Variants in NCOR1 observed in about 807,000 individuals in gnomAD.
NCOR1 encodes the protein protein phosphatase 1, regulatory subunit 109.
In NCOR1, 63 loss-of-function variants were observed where a neutral mutation model predicts 288.1. That is an observed-to-expected ratio of 0.22 (90% CI 0.18 to 0.27). The LOEUF (loss-of-function observed/expected upper bound fraction) is 0.27. Among genes scored for constraint, NCOR1 ranks in the 10% least tolerant of loss-of-function variants. The probability of loss-of-function intolerance (pLI) is 1.00; values close to 1 mark genes in which losing one functional copy is unlikely to be tolerated. For synonymous variants in NCOR1, 1,007 were observed against 1,065.9 expected, an observed-to-expected ratio of 0.94 and a Z score of 1.08; for missense variants, 2,397 against 3,019.2, an observed-to-expected ratio of 0.79 and a Z score of 4.83.
intron 1 of NCOR1, among the ~76,000 whole-genome samples, chr17:16,199,216 A>AAACACAC (rs1337668798): frequency 1.6e-5 from 2 of 122,320 alleles, no homozygotes; most frequent in Non-Finnish European, 1.6e-5. Context: ...AAAAAAAAAA[A>AAACACAC]ACACACACAC....
Position 16,065,668 on chromosome 17 carries a change from G to C in NCOR1, c.4768C>G (p.Gln1590Glu). 2 of 1,614,210 alleles carry C rather than the reference G, an allele frequency of 1.2e-6. No individual in the cohort carries two copies. Among genetic ancestry groups the C allele is most frequent in the Non-Finnish European group, 1.7e-6 (2 of 1,180,034 alleles). ...PAAAAYLFQR[Q>E]LSPTPGYPSQ... ...GGGTAACCTGGAGTTGGTGAAAGCT[G>C]TCTCTGAAACAGGTAAGCAGCCGCT... The change falls in exon 33 of 46, where the codon CAG becomes GAG. Residue 1590 changes from glutamine to glutamate, a missense_variant. Coordinates refer to ENST00000268712, the MANE Select transcript of NCOR1 (RefSeq NM_006311.4).
intron 21 of NCOR1, among the ~76,000 whole-genome samples, chr17:16,096,561 T>G (rs2066655057): frequency 6.6e-6 from 1 of 152,338 alleles, no homozygotes; most frequent in Non-Finnish European, 1.5e-5. Flanking sequence ...TCCTTAGTGC[T>G]GTGGTTACAA....
chr17:16,158,935 C>A, intron 5 of NCOR1, 62 bp from the exon 6 acceptor site: 2 of 1,146,412 alleles, frequency 1.7e-6, no homozygotes, highest in South Asian at 1.3e-5. Context: ...CAGTGATTAA[C>A]CACTGGAGAT....
At chr17:16,104,736 C>T (rs1183593308) in intron 19 of NCOR1, among the ~76,000 whole-genome samples, 1 of 152,168 alleles carries the variant, frequency 6.6e-6, no homozygotes, top group African/African-American at 2.4e-5. Context: ...CACGCTGGTA[C>T]ACTTCAGCGC....
chr17:16,150,029 T>C (rs1317033084), intron 8 of NCOR1, among the ~76,000 whole-genome samples: 1 of 152,108 alleles, frequency 6.6e-6, no homozygotes, highest in Non-Finnish European at 1.5e-5. Context: ...TAAGAAGTAA[T>C]GGAGGGCAAT....
At chr17:16,135,179 A>C (rs1386047188) in intron 14 of NCOR1, among the ~76,000 whole-genome samples, 1 of 151,638 alleles carries the variant, frequency 6.6e-6, no homozygotes, top group Non-Finnish European at 1.5e-5. Flanking sequence ...AAAAAAAAAA[A>C]AAACTGTAGC....
intron 22 of NCOR1, among the ~76,000 whole-genome samples, chr17:16,091,293 T>C (rs1389444777): frequency 6.6e-6 from 1 of 152,248 alleles, no homozygotes; most frequent in Non-Finnish European, 1.5e-5. Context: ...CAATACCGAA[T>C]GCTCCTTCCT....
chr17:16,150,120 G>A (rs1358553851), intron 8 of NCOR1, among the ~76,000 whole-genome samples: 1 of 152,146 alleles, frequency 6.6e-6, no homozygotes, highest in South Asian at 2.1e-4. Context: ...ACAATGACAT[G>A]CAGGTTCAAG....
chr17:16,089,073 A>T (rs1471772940), intron 22 of NCOR1, among the ~76,000 whole-genome samples: 1 of 151,858 alleles, frequency 6.6e-6, no homozygotes, highest in Non-Finnish European at 1.5e-5. Context: ...TACCATTTCC[A>T]GTAAGTTTAT....
chr17:16,078,717 A>AGGCGC (rs1335371826), intron 26 of NCOR1, among the ~76,000 whole-genome samples: 6 of 152,118 alleles, frequency 3.9e-5, no homozygotes, highest in African/African-American at 1.4e-4. Context: ...CTGGGATTAC[A>AGGCGC]GGCGCACACC....
chr17:16,178,494 G>A (rs185319153), intron 3 of NCOR1, among the ~76,000 whole-genome samples: 1,945 of 86,896 alleles, frequency 0.022, 18 homozygotes, highest in Admixed American at 0.034. Context: ...GCAAGACTCC[G>A]TCTCAAAAAA....
intron 12 of NCOR1, 52 bp from the exon 13 acceptor site, chr17:16,138,264 T>TAAAA (rs750309864): frequency 6.9e-6 from 8 of 1,160,512 alleles, no homozygotes; most frequent in South Asian, 1.5e-5. Context: ...TTTCAACAAC[T>TAAAA]AAAAAAAAAA....
chr17:16,065,626 A>G lies in NCOR1; in HGVS notation c.4810T>C (p.Tyr1604His). The G allele has an allele frequency of 6.2e-7, 1 of 1,614,220 alleles. No homozygotes were observed. The highest frequency in any genetic ancestry group is 8.5e-7 in the Non-Finnish European group (1 of 1,180,038). Residue 1604 changes from tyrosine (Y) to histidine (H), a missense_variant, in exon 33 of 46, where the codon TAC becomes CAC. Physicochemically the swap from Tyr to His is moderately conservative, Grantham distance 83. This residue lies in a region of NCOR1 where 1,872 missense variants were observed against 2,187.8 expected (regional missense o/e 0.86). Coordinates refer to ENST00000268712, the MANE Select transcript of NCOR1 (RefSeq NM_006311.4). ...TPGYPSQYQL[Y>H]AMENTRQTIL... ...GTCTGTCTTGTGTTCTCCATTGCGT[A>G]AAGCTGATACTGACTTGGGTAACCT...
At chr17:16,192,914 T>C (rs778969342) in intron 2 of NCOR1, among the ~76,000 whole-genome samples, 10 of 152,110 alleles carry the variant, frequency 6.6e-5, no homozygotes, top group Non-Finnish European at 1.3e-4. Flanking sequence ...AGAAGTATTA[T>C]GGGAAGCAAA....
chr17:16,127,420 CATGTGT>C (rs1306906775), intron 14 of NCOR1, among the ~76,000 whole-genome samples: 2 of 32,712 alleles, frequency 6.1e-5, no homozygotes, highest in Admixed American at 2.9e-4. Flanking sequence ...TGTATATATA[CATGTGT>C]ATATGTGTAT....
intron 14 of NCOR1, among the ~76,000 whole-genome samples, chr17:16,135,158 C>CAAAAAA (rs577308243): frequency 2.5e-4 from 9 of 35,790 alleles, no homozygotes; most frequent in Admixed American, 1.1e-3. Flanking sequence ...GACTCCATCT[C>CAAAAAA]AAAAAAAAAA....
In NCOR1 at chr17:16,181,211, ATGTGTGTGTGTGTGTG is replaced by A. The variant is rs61215793; in HGVS notation, c.242+5327_242+5342del. Among the ~76,000 whole-genome samples, 957 of 139,574 alleles carry A rather than the reference ATGTGTGTGTGTGTGTG, an allele frequency of 6.9e-3. 22 individuals carry two copies. The highest frequency in any genetic ancestry group is 0.023 in the African/African-American group (884 of 38,594). 91.6% of individuals were successfully genotyped at this position (139,574 alleles called of 152,430 possible). ...TGTGTGTGTGTATACATATATATGT[ATGTGTGTGTGTGTGTG>A]TGTGTGTGTGTGTGTGTGTGTGTGT... On this transcript the variant is annotated intron_variant, in intron 3 of 45. Transcript: ENST00000268712.
rs1027294653 is a variant in NCOR1 at position 16,041,898 on chromosome 17, G to A, written c.6680-1404C>T. Among the ~76,000 whole-genome samples the A allele has an allele frequency of 8.5e-5, 13 of 152,170 alleles. No homozygotes were observed. The East Asian group carries it at 2.1e-3, about 25-fold the overall frequency. ...ACTACAGGCGCCCGCCACTATGCCT[G>A]GCTAATTTTTTACATTTTTAGTAGA... On this transcript the variant is annotated intron_variant, in intron 42 of 45. Coordinates refer to ENST00000268712, the MANE Select transcript of NCOR1 (RefSeq NM_006311.4).
intron 15 of NCOR1, among the ~76,000 whole-genome samples, chr17:16,125,102 G>A (rs1027764676): frequency 3.9e-5 from 6 of 152,172 alleles, no homozygotes; most frequent in African/African-American, 1.4e-4. Flanking sequence ...GGTGGCTCAC[G>A]CCTGTAATCC....
Sources: gnomAD v4.1 joint callset for allele counts (sites outside exome capture counted in the v4.1 genomes callset) on GRCh38, gnomAD v4.1.1 for gene constraint, gnomAD v4.1.1 regional missense constraint, MANE v1.5 for transcripts, NCBI Gene and HGNC (gene_info 2026-07-23, HGNC 2026-07-21) for gene names.